Variants in GSE1 observed in about 807,000 individuals in gnomAD.
GSE1 encodes Gse1 coiled-coil protein.
Under a neutral mutation model 112.6 loss-of-function variants are expected in GSE1, and 32 were observed. That is an observed-to-expected ratio of 0.28 (90% CI 0.21 to 0.38). The LOEUF is 0.38. Ranked by LOEUF, GSE1 falls within the 10% of genes least tolerant of loss-of-function variation. The pLI, the probability that GSE1 is intolerant of heterozygous loss-of-function variation, is 1.00. For synonymous variants in GSE1, 1,115 were observed against 735.6 expected, an observed-to-expected ratio of 1.52 and a Z score of -8.35; for missense variants, 2,348 against 1,699.2, an observed-to-expected ratio of 1.38 and a Z score of -6.71.
chr16:85,429,775 C>T (rs1358225956), intron 2 of GSE1, among the ~76,000 whole-genome samples: 1 of 152,218 alleles, frequency 6.6e-6, no homozygotes, highest in East Asian at 1.9e-4. Context: ...CTCTGAGCCC[C>T]CTTGCTTCCC....
Position 85,495,579 on chromosome 16 carries a change from C to G in GSE1, c.2464+137936C>G, listed in dbSNP as rs555017901. 6.6e-5 allele frequency among the ~76,000 whole-genome samples: 10 copies of G among 151,974 alleles called. No homozygotes were observed. In the South Asian group the frequency reaches 2.1e-3, roughly 32 times the overall value. The stretch of plus-strand genomic sequence containing the variant: ...TGGTGGGATCTCAGCTCCCTGCAGC[C>G]TCTACCTCCAGGGTTCAAGCAATTC... On this transcript the variant is annotated intron_variant, in intron 2 of 2. Transcript: ENST00000637419.
At chr16:85,532,940 C>T (rs1185296179) in intron 2 of GSE1, among the ~76,000 whole-genome samples, 1 of 152,196 alleles carries the variant, frequency 6.6e-6, no homozygotes, top group Non-Finnish European at 1.5e-5. Flanking sequence ...AGATTTTCCC[C>T]AGAACATGCC....
At chr16:85,574,969 C>T (rs927239668) in intron 1 of GSE1, among the ~76,000 whole-genome samples, 11 of 152,318 alleles carry the variant, frequency 7.2e-5, no homozygotes, top group African/African-American at 1.9e-4. Flanking sequence ...CCGACAAGGC[C>T]GGGCAGCCCC....
chr16:85,424,354 G>A (rs926946427), intron 2 of GSE1, among the ~76,000 whole-genome samples: 8 of 152,198 alleles, frequency 5.3e-5, no homozygotes, highest in East Asian at 1.9e-4. Context: ...TGTTCGGCCC[G>A]GGGCTCATGG....
intron 1 of GSE1, among the ~76,000 whole-genome samples, chr16:85,322,781 A>G (rs143009477): frequency 1.0e-3 from 155 of 151,920 alleles, no homozygotes; most frequent in African/African-American, 3.6e-3. Flanking sequence ...ATGCCTGGCT[A>G]ATTTTTGTAT....
At chr16:85,360,653 C>T (rs911684877) in intron 2 of GSE1, among the ~76,000 whole-genome samples, 3 of 152,154 alleles carry the variant, frequency 2.0e-5, no homozygotes, top group South Asian at 2.1e-4. Context: ...GGAGGGGGCA[C>T]GTCCAGACAT....
At chr16:85,285,982 C>G (rs1262085296) in intron 1 of GSE1, 1 of 152,370 alleles carries the variant, frequency 6.6e-6, no homozygotes, top group African/African-American at 2.4e-5. Flanking sequence ...GGCCCACTAT[C>G]TTGGGCACTG....
intron 1 of GSE1, among the ~76,000 whole-genome samples, chr16:85,235,939 G>T (rs920234773): frequency 6.6e-6 from 1 of 151,954 alleles, no homozygotes; most frequent in Non-Finnish European, 1.5e-5. Context: ...CATCTGGGGA[G>T]CGAGGCTGCA....
intron 1 of GSE1, among the ~76,000 whole-genome samples, chr16:85,564,618 C>T (rs2045660302): frequency 1.3e-5 from 2 of 152,198 alleles, no homozygotes; most frequent in Non-Finnish European, 1.5e-5. Context: ...GGCCACCACT[C>T]CTGCCCCGTT....
intron 1 of GSE1, among the ~76,000 whole-genome samples, chr16:85,626,380 G>A (rs977681608): frequency 4.6e-5 from 7 of 152,258 alleles, no homozygotes; most frequent in Non-Finnish European, 8.8e-5. Flanking sequence ...AGGGTGACCC[G>A]ACCTCGTTAG....
At chr16:85,254,391 AGTT>A (rs1358583779) in intron 1 of GSE1, among the ~76,000 whole-genome samples, 1 of 152,176 alleles carries the variant, frequency 6.6e-6, no homozygotes, top group Non-Finnish European at 1.5e-5. Context: ...ACCCTGAAGA[AGTT>A]GTCCCCTAGC....
At chr16:85,209,021 G>C (rs1156401994) in intron 1 of GSE1, among the ~76,000 whole-genome samples, 1 of 151,878 alleles carries the variant, frequency 6.6e-6, no homozygotes, top group East Asian at 1.9e-4. Flanking sequence ...GCTGCGTGTT[G>C]GGGTTCGCCT....
At chr16:85,174,428 C>T (rs142705444) in intron 1 of GSE1, among the ~76,000 whole-genome samples, 11 of 152,324 alleles carry the variant, frequency 7.2e-5, no homozygotes, top group South Asian at 2.1e-4. Flanking sequence ...CTCCCCTGGA[C>T]GGGAGGGAAA....
At chr16:85,274,786 C>T (rs9937912) in intron 1 of GSE1, among the ~76,000 whole-genome samples, 80,221 of 152,138 alleles carry the variant, frequency 0.53, 22,000 homozygotes, top group African/African-American at 0.66. Flanking sequence ...TGGCACCTGC[C>T]CCCAGCAGCA....
intron 1 of GSE1, among the ~76,000 whole-genome samples, chr16:85,331,568 TATATGTGTAC>T: frequency 9.8e-6 from 1 of 102,182 alleles, no homozygotes; most frequent in African/African-American, 4.2e-5. Flanking sequence ...TATATGTGTA[TATATGTGTAC>T]ATGTGTATAT....
rs201107807 is a variant in GSE1 at position 85,233,631 on chromosome 16, TGTG to T, written c.2283+61828_2283+61830del. On this transcript the variant is annotated intron_variant, in intron 1 of 2. Coordinates refer to the GSE1 transcript ENST00000637419. ...TGGCCTCTGCATGTGTGTGTGTGCATGTGGTGTGTGTGGATGGGGGGTGTGCGT... is the reference window on the plus strand; with the variant it reads ...TGGCCTCTGCATGTGTGTGTGTGCATGTGTGTGTGGATGGGGGGTGTGCGT... 8.0e-4 allele frequency among the ~76,000 whole-genome samples: 121 copies of T among 152,100 alleles called. No homozygotes were observed. In the East Asian group the frequency reaches 0.016, roughly 20 times the overall value.
At chr16:85,443,737 C>T (rs760637785) in intron 2 of GSE1, among the ~76,000 whole-genome samples, 6 of 152,202 alleles carry the variant, frequency 3.9e-5, no homozygotes, top group Non-Finnish European at 7.3e-5. Context: ...AGGGGCCTAG[C>T]GTTTGGCTGA....
chr16:85,474,157 C>T (rs1433791348), intron 2 of GSE1, among the ~76,000 whole-genome samples: 1 of 152,092 alleles, frequency 6.6e-6, no homozygotes, highest in Non-Finnish European at 1.5e-5. Context: ...GCTCCTGCAC[C>T]AGTCCAGACG....
chr16:85,235,944 G>A (rs1226424195), intron 1 of GSE1, among the ~76,000 whole-genome samples: 1 of 151,998 alleles, frequency 6.6e-6, no homozygotes, highest in South Asian at 2.1e-4. Flanking sequence ...GGGGAGCGAG[G>A]CTGCAGCAGC....
Sources: allele counts gnomAD v4.1 joint callset (sites outside exome capture counted in the v4.1 genomes callset), GRCh38; gene constraint gnomAD v4.1.1; transcripts MANE v1.5; gene names NCBI Gene and HGNC (gene_info 2026-07-23, HGNC 2026-07-21).